Variants in EVI5L observed in about 807,000 individuals in gnomAD.
The protein encoded by EVI5L is ecotropic viral integration site 5 like.
Under a neutral mutation model 106.1 loss-of-function variants are expected in EVI5L, and 30 were observed. The ratio of observed to expected loss-of-function variants is 0.28; its 90% CI spans 0.21 to 0.38. The LOEUF is 0.38. EVI5L is among the 10% of genes least tolerant of loss of function. The pLI, the probability that EVI5L is intolerant of heterozygous loss-of-function variation, is 1.00. For missense variants in EVI5L, 809 were observed against 1,098.0 expected (o/e 0.74, Z 3.72); for synonymous variants, 489 against 483.3 (o/e 1.01, Z -0.15).
At chr19:7,855,343 C>T (rs901029361) in intron 10 of EVI5L, among the ~76,000 whole-genome samples, 2 of 152,130 alleles carry the variant, frequency 1.3e-5, no homozygotes, top group African/African-American at 2.4e-5. Flanking sequence ...TTGCCTGCCT[C>T]GGCCTCCCAA....
In EVI5L at chr19:7,857,396, CAG is replaced by C. The variant is rs1040762732; in HGVS notation, c.1233+273_1233+274del. 1.9e-5 allele frequency: 11 copies of C among 592,108 alleles called. No individual in the cohort carries two copies. Among genetic ancestry groups the C allele is most frequent in the African/African-American group, 1.7e-4 (9 of 53,728 alleles). The allele number at this position is 592,108 out of a possible 1,614,324, so 36.7% of individuals were successfully genotyped here. ...TACAGAAAGCTTCCTCCGGGCGACA[CAG>C]GGTGGGGACCCAGGAGGGCTGGGGA... On this transcript the variant is annotated intron_variant, in intron 12 of 19. Coordinates refer to ENST00000538904, the MANE Select transcript of EVI5L (RefSeq NM_001159944.3). This position sits in a 1 kb window ranked among gnomAD's most constrained non-coding sequence, Gnocchi z 4.5.
At position 7,857,492 on chromosome 19, in the gene EVI5L, G is replaced by A; in HGVS notation, c.1233+368G>A. On this transcript the variant is annotated intron_variant, in intron 12 of 19. Transcript: ENST00000538904. The surrounding 1 kb of genome is among the most constrained non-coding windows in gnomAD (Gnocchi z 4.5). ...GCGGTCACACACACACACAACACATGCACACACACACACGCACACACACGC... is the reference window on the plus strand; with the variant it reads ...GCGGTCACACACACACACAACACATACACACACACACACGCACACACACGC... 4 of 421,270 alleles carry A rather than the reference G, an allele frequency of 9.5e-6. No homozygotes were observed. Among genetic ancestry groups the A allele is most frequent in the Non-Finnish European group, 1.8e-5 (4 of 226,404 alleles). 26.1% of individuals were successfully genotyped at this position (421,270 alleles called of 1,614,324 possible).
In EVI5L at chr19:7,858,121, G is replaced by A. The variant is rs1346443978; in HGVS notation, c.1234-70G>A. On this transcript the variant is annotated intron_variant, in intron 12 of 19. Coordinates refer to ENST00000538904, the MANE Select transcript of EVI5L (RefSeq NM_001159944.3). The surrounding 1 kb of genome is among the most constrained non-coding windows in gnomAD (Gnocchi z 5.7). ...CACTCTCTGGGCCTCCCCCTGTGGCGGGAGGCAGGGCCTTGGGTGGGAGCC... is the reference window on the plus strand; with the variant it reads ...CACTCTCTGGGCCTCCCCCTGTGGCAGGAGGCAGGGCCTTGGGTGGGAGCC... The A allele has an allele frequency of 1.8e-5, 27 of 1,514,120 alleles. No individual in the cohort carries two copies. Among genetic ancestry groups the A allele is most frequent in the South Asian group, 2.5e-5 (2 of 78,482 alleles). The allele number at this position is 1,514,120 out of a possible 1,614,324, so 93.8% of individuals were successfully genotyped here. A position where few individuals can be genotyped will look rare whatever the true frequency, so the allele number is the denominator to read the frequency against.
chr19:7,838,167 C>T (rs1206013489), intron 1 of EVI5L, among the ~76,000 whole-genome samples: 1 of 149,672 alleles, frequency 6.7e-6, no homozygotes, highest in African/African-American at 2.5e-5. Context: ...GGAGTGCAGT[C>T]GTGCAATCTC....
intron 1 of EVI5L, among the ~76,000 whole-genome samples, chr19:7,832,553 C>A (rs545955890): frequency 6.6e-6 from 1 of 151,960 alleles, no homozygotes; most frequent in African/African-American, 2.4e-5. Flanking sequence ...TAGGGTGTGG[C>A]CCTGTGTGTT....
intron 1 of EVI5L, among the ~76,000 whole-genome samples, chr19:7,831,187 A>T (rs1275734931): frequency 3.6e-5 from 5 of 140,562 alleles, no homozygotes; most frequent in African/African-American, 1.4e-4. Context: ...GAACCACCCC[A>T]CTCCCCATCC....
intron 1 of EVI5L, among the ~76,000 whole-genome samples, chr19:7,833,625 T>C (rs915586836): frequency 2.6e-5 from 4 of 152,248 alleles, no homozygotes; most frequent in African/African-American, 7.2e-5. Context: ...GCAGAAGTGC[T>C]TGGACACACG....
chr19:7,853,454 C>T (rs1337667107), intron 10 of EVI5L, 121 bp downstream of exon 10: 1 of 1,366,850 alleles, frequency 7.3e-7, no homozygotes, highest in South Asian at 1.3e-5. Flanking sequence ...ACCCGGCGGT[C>T]CTTGGCGGAC....
In EVI5L at chr19:7,862,989, G is replaced by A. The variant is rs1422443344; in HGVS notation, c.1965G>A (p.Met655Ile). ...EAECKSKEEVMAVRLREADSM... is the reference protein window; with the variant it reads ...EAECKSKEEVIAVRLREADSM... ...GACCCCAGAGCAAGGAGGAGGTGAT[G>A]GCTGTGCGACTGCGGGAGGCGGACA... Residue 655 changes from methionine to isoleucine, a missense_variant, in exon 18 of 20, where the codon ATG becomes ATA. Physicochemically the swap from Met to Ile is conservative, Grantham distance 10. This residue lies in a region of EVI5L where 452 missense variants were observed against 509.9 expected (regional missense o/e 0.89). Coordinates refer to ENST00000538904, the MANE Select transcript of EVI5L (RefSeq NM_001159944.3). 6.4e-7 allele frequency: 1 copy of A among 1,574,028 alleles called. No individual in the cohort carries two copies. Among genetic ancestry groups the A allele is most frequent in the Non-Finnish European group, 8.6e-7 (1 of 1,168,384 alleles).
At chr19:7,842,973 CTA>C (rs112033746) in intron 1 of EVI5L, among the ~76,000 whole-genome samples, 85,445 of 150,312 alleles carry the variant, frequency 0.57, 24,291 homozygotes, top group South Asian at 0.77. Flanking sequence ...AAACGTGTGA[CTA>C]TGGATGAGCA....
Position 7,858,310 on chromosome 19 carries a change from CCG to C in EVI5L, c.1354_1355del (p.Arg452AlafsTer85). The C allele has an allele frequency of 6.5e-7, 1 of 1,548,232 alleles. No individual in the cohort carries two copies. The highest frequency in any genetic ancestry group is 2.4e-5 in the East Asian group (1 of 40,956). ...EDLQKAQSTI[R>X]QLQEQQENPR... ...ACCTGCAGAAGGCACAGAGCACCAT[CCG>C]GCAGCTACAGGAGCAGCAGGTAGGG... On this transcript the variant is annotated frameshift_variant, in exon 13 of 20. Coordinates refer to ENST00000538904, the MANE Select transcript of EVI5L (RefSeq NM_001159944.3). LOFTEE classifies it high-confidence loss of function. This position sits in a 1 kb window ranked among gnomAD's most constrained non-coding sequence, Gnocchi z 5.7.
rs61744445 is a variant in EVI5L, at chr19:7,853,109, C to A, written c.1011C>A (p.His337Gln). The A allele has an allele frequency of 1.7e-5, 27 of 1,613,946 alleles. No individual in the cohort carries two copies. The highest frequency in any genetic ancestry group is 3.3e-5 in the Admixed American group (2 of 60,028). The change falls in exon 9 of 20, where the codon CAC (histidine) becomes CAA (glutamine). Residue 337 changes from histidine to glutamine, a missense_variant. Physicochemically the swap from His to Gln is conservative, Grantham distance 24 (BLOSUM62 0). This residue lies in a region of EVI5L where 357 missense variants were observed against 588.1 expected (regional missense o/e 0.61). Coordinates refer to ENST00000538904, the MANE Select transcript of EVI5L (RefSeq NM_001159944.3). ...AGTACTTCCAGAGAGTGATCCCCCA[C>A]CAGTTCGACAGCTGCCCGGACAAGC... Reference protein sequence around the residue: ...MSQYFQRVIPHQFDSCPDKLV... With the variant: ...MSQYFQRVIPQQFDSCPDKLV...
chr19:7,853,562 C>A, intron 10 of EVI5L: 1 of 602,196 alleles, frequency 1.7e-6, no homozygotes, highest in Non-Finnish European at 2.9e-6. Context: ...AAGGTCCCTG[C>A]CCCGCTGGGC....
intron 1 of EVI5L, among the ~76,000 whole-genome samples, chr19:7,833,834 T>C (rs1283935812): frequency 6.6e-6 from 1 of 152,186 alleles, no homozygotes; most frequent in East Asian, 1.9e-4. Context: ...CAGGGAAGAC[T>C]GCAGCACACA....
Position 7,861,917 on chromosome 19 carries a change from C to T in EVI5L, c.1543C>T (p.Leu515=). 1 of 1,550,872 alleles carries T rather than the reference C, an allele frequency of 6.4e-7. No homozygotes were observed. Residue 515 remains leucine, a synonymous_variant, in exon 15 of 20, where the codon CTG becomes TTG. Coordinates refer to ENST00000538904, the MANE Select transcript of EVI5L (RefSeq NM_001159944.3). The stretch of plus-strand genomic sequence containing the variant: ...GCCCGACGAGAACAATGTGGCGCAG[C>T]TGCAGGAGGAGCTGAAGGCGCTCAA... ...SLPDENNVAQ[L]QEELKALKVR...
At chr19:7,852,050 C>T (rs1979276766) in intron 8 of EVI5L, among the ~76,000 whole-genome samples, 1 of 152,186 alleles carries the variant, frequency 6.6e-6, no homozygotes, top group Admixed American at 6.5e-5. Flanking sequence ...CACCTCCTGC[C>T]CCCAACCCCG....
chr19:7,853,451 G>A, intron 10 of EVI5L, 118 bp downstream of exon 10: 6 of 1,383,302 alleles, frequency 4.3e-6, no homozygotes, highest in South Asian at 2.6e-5. Context: ...CGGACCCGGC[G>A]GTCCTTGGCG....
Position 7,862,449 on chromosome 19 carries a change from A to G in EVI5L, c.1862A>G (p.Lys621Arg). Reference sequence around the variant, plus strand: ...GCGGAGCGCGCGGCGCTGCAGGAGAAGCTGCAGTACCTGGCTGCACAGAAC... The same window carrying G: ...GCGGAGCGCGCGGCGCTGCAGGAGAGGCTGCAGTACCTGGCTGCACAGAAC... ...VEAERAALQE[K>R]LQYLAAQNKG... is the part of the protein sequence containing the mutation. The change falls in exon 17 of 20, where the codon AAG becomes AGG. Residue 621 changes from lysine to arginine, a missense_variant. This residue lies in a region of EVI5L where 452 missense variants were observed against 509.9 expected (regional missense o/e 0.89). Coordinates refer to ENST00000538904, the MANE Select transcript of EVI5L (RefSeq NM_001159944.3). 6.2e-7 allele frequency: 1 copy of G among 1,610,258 alleles called. No individual in the cohort carries two copies. The highest frequency in any genetic ancestry group is 1.3e-5 in the African/African-American group (1 of 74,950).
rs376225568 is a variant in EVI5L at position 7,835,774 on chromosome 19, G to C, written c.-48+5393G>C. ...CAGTTGTCCGCCCACACCTTGCCAAGGACGAGAGGACCTAAGGTGCTAGGT... is the reference window on the plus strand; with the variant it reads ...CAGTTGTCCGCCCACACCTTGCCAACGACGAGAGGACCTAAGGTGCTAGGT... On this transcript the variant is annotated intron_variant, in intron 1 of 19. Coordinates refer to ENST00000538904, the MANE Select transcript of EVI5L (RefSeq NM_001159944.3). The surrounding 1 kb of genome is among the most constrained non-coding windows in gnomAD (Gnocchi z 4.1). 2.6e-5 allele frequency among the ~76,000 whole-genome samples: 4 copies of C among 152,218 alleles called. No homozygotes were observed. Among genetic ancestry groups the C allele is most frequent in the Admixed American group, 1.3e-4 (2 of 15,274 alleles).
Sources: gnomAD v4.1 joint callset for allele counts (sites outside exome capture counted in the v4.1 genomes callset) on GRCh38, gnomAD v4.1.1 for gene constraint, gnomAD v4.1.1 regional missense constraint, Gnocchi (gnomAD v3.1) non-coding constraint, MANE v1.5 for transcripts, NCBI Gene and HGNC (gene_info 2026-07-23, HGNC 2026-07-21) for gene names.